Variants in RAP1GDS1 observed in about 807,000 individuals in gnomAD.
The protein encoded by RAP1GDS1 is RAP1, GTP-GDP dissociation stimulator 1.
A neutral mutation model predicts 71.1 loss-of-function variants in RAP1GDS1; 35 were observed. That is an observed-to-expected ratio of 0.49 (90% confidence interval 0.38 to 0.65). The LOEUF (loss-of-function observed/expected upper bound fraction) is 0.65. RAP1GDS1 is among the 30% of genes least tolerant of loss of function. The probability of loss-of-function intolerance (pLI) is 0.00; values close to 1 mark genes in which losing one functional copy is unlikely to be tolerated. For synonymous variants in RAP1GDS1, 229 were observed against 243.1 expected (o/e 0.94, Z 0.54); for missense variants, 663 against 706.1 (o/e 0.94, Z 0.69).
chr4:98,336,308 T>C (rs954261559), intron 2 of RAP1GDS1, among the ~76,000 whole-genome samples: 1 of 152,192 alleles, frequency 6.6e-6, no homozygotes, highest in African/African-American at 2.4e-5. Flanking sequence ...TTTTTAACCA[T>C]GTAACTCTTA....
intron 8 of RAP1GDS1, 69 bp downstream of exon 8, chr4:98,416,957 G>C: frequency 6.6e-7 from 1 of 1,513,662 alleles, no homozygotes; most frequent in Non-Finnish European, 9.0e-7. Context: ...TGTCTCTTCT[G>C]TAAATACTAC....
chr4:98,421,286 T>C lies in RAP1GDS1; in HGVS notation c.1332T>C (p.Val444=). 6.2e-7 allele frequency: 1 copy of C among 1,610,868 alleles called. No individual in the cohort carries two copies. Among genetic ancestry groups the C allele is most frequent in the Non-Finnish European group, 8.5e-7 (1 of 1,178,140 alleles). Reference sequence around the variant, plus strand: ...CTGCTGAACAATTGGGAAAGAATGTTAAGTTAGTGGAGCGTTTGGTGGAAT... The same window carrying C: ...CTGCTGAACAATTGGGAAAGAATGTCAAGTTAGTGGAGCGTTTGGTGGAAT... ...AEAAEQLGKN[V]KLVERLVEWC... is the part of the protein sequence containing the mutation. The change falls in exon 12 of 15, where the codon GTT becomes GTC. Residue 444 remains valine (V), a synonymous_variant. Transcript: ENST00000408927.
At chr4:98,430,391 G>C (rs937665558) in intron 12 of RAP1GDS1, among the ~76,000 whole-genome samples, 1 of 152,170 alleles carries the variant, frequency 6.6e-6, no homozygotes, top group Non-Finnish European at 1.5e-5. Flanking sequence ...TGTGTTAATT[G>C]CATGAGTTCT....
At chr4:98,349,201 C>A (rs929074986) in intron 3 of RAP1GDS1, among the ~76,000 whole-genome samples, 5 of 152,232 alleles carry the variant, frequency 3.3e-5, no homozygotes, top group South Asian at 2.1e-4. Flanking sequence ...ACCAGTTTTC[C>A]CAGCACCATT....
At chr4:98,438,814 T>G (rs1397303370) in intron 14 of RAP1GDS1, among the ~76,000 whole-genome samples, 1 of 151,838 alleles carries the variant, frequency 6.6e-6, no homozygotes, top group Non-Finnish European at 1.5e-5. Flanking sequence ...AGGCTGATAC[T>G]GAACTCCTGA....
intron 12 of RAP1GDS1, among the ~76,000 whole-genome samples, chr4:98,422,189 G>C (rs1005388690): frequency 2.6e-5 from 4 of 151,988 alleles, no homozygotes; most frequent in Non-Finnish European, 1.5e-5. Flanking sequence ...GACAGAGCAA[G>C]ACTCCGTCTC....
intron 6 of RAP1GDS1, chr4:98,397,044 T>G (rs1302508218): frequency 6.6e-6 from 1 of 152,124 alleles, no homozygotes; most frequent in Non-Finnish European, 1.5e-5. Context: ...TTTCATAAAT[T>G]TTACAGGATT....
chr4:98,415,570 G>GAC (rs1747827321), intron 7 of RAP1GDS1, among the ~76,000 whole-genome samples: 1 of 152,176 alleles, frequency 6.6e-6, no homozygotes, highest in African/African-American at 2.4e-5. Context: ...GATAGATGGA[G>GAC]ACAGATATGG....
intron 2 of RAP1GDS1, among the ~76,000 whole-genome samples, chr4:98,317,597 G>A (rs915911648): frequency 6.6e-6 from 1 of 152,084 alleles, no homozygotes; most frequent in African/African-American, 2.4e-5. Context: ...ATAGATAATT[G>A]TGAAATATTG....
At chr4:98,441,024 T>C (rs913122054) in intron 14 of RAP1GDS1, among the ~76,000 whole-genome samples, 1 of 152,250 alleles carries the variant, frequency 6.6e-6, no homozygotes, top group African/African-American at 2.4e-5. Context: ...AGTACCCCAC[T>C]ATCTTGATTA....
chr4:98,358,684 TG>T (rs1436407698), intron 4 of RAP1GDS1, among the ~76,000 whole-genome samples: 1 of 152,090 alleles, frequency 6.6e-6, no homozygotes, highest in Non-Finnish European at 1.5e-5. Context: ...ACTTTAGTTG[TG>T]GTACACAAAT....
chr4:98,351,279 ATAAG>A (rs1464442150), intron 3 of RAP1GDS1, among the ~76,000 whole-genome samples: 2 of 152,208 alleles, frequency 1.3e-5, no homozygotes, highest in African/African-American at 2.4e-5. Flanking sequence ...TGGTAGAGTA[ATAAG>A]TAAGAAAGAG....
intron 2 of RAP1GDS1, chr4:98,297,078 G>A (rs1165068677): frequency 2.4e-5 from 4 of 166,298 alleles, no homozygotes; most frequent in South Asian, 2.6e-4. Context: ...CATTTCATAC[G>A]AGAGTCACGT....
chr4:98,301,186 A>T (rs959823913), intron 2 of RAP1GDS1, among the ~76,000 whole-genome samples: 8 of 150,292 alleles, frequency 5.3e-5, no homozygotes, highest in South Asian at 2.1e-4. Context: ...CATTATTATT[A>T]TTTTTTTTTA....
chr4:98,376,831 G>A (rs1016493527), intron 4 of RAP1GDS1, among the ~76,000 whole-genome samples: 1 of 151,940 alleles, frequency 6.6e-6, no homozygotes, highest in South Asian at 2.1e-4. Flanking sequence ...CTGTGTTATA[G>A]ACAATTCAGA....
At chr4:98,432,235 G>A (rs1359708521) in intron 12 of RAP1GDS1, among the ~76,000 whole-genome samples, 1 of 152,122 alleles carries the variant, frequency 6.6e-6, no homozygotes, top group African/African-American at 2.4e-5. Flanking sequence ...CATTTCCTTA[G>A]TTCATTCCCT....
intron 2 of RAP1GDS1, among the ~76,000 whole-genome samples, chr4:98,328,278 T>G (rs2110359931): frequency 6.6e-6 from 1 of 152,222 alleles, no homozygotes; most frequent in East Asian, 1.9e-4. Flanking sequence ...AAGCCACTGA[T>G]TGTTAAATTT....
intron 2 of RAP1GDS1, among the ~76,000 whole-genome samples, chr4:98,336,081 T>C (rs1306544529): frequency 6.6e-6 from 1 of 152,130 alleles, no homozygotes; most frequent in Non-Finnish European, 1.5e-5. Flanking sequence ...GACAATAGAA[T>C]GGAGATAGAT....
At chr4:98,426,196 A>G (rs747383271) in intron 12 of RAP1GDS1, among the ~76,000 whole-genome samples, 2 of 152,168 alleles carry the variant, frequency 1.3e-5, no homozygotes, top group Admixed American at 6.5e-5. Flanking sequence ...GATACAACCT[A>G]TCAATACCTC....
Sources: gnomAD v4.1 joint callset for allele counts (sites outside exome capture counted in the v4.1 genomes callset) on GRCh38, gnomAD v4.1.1 for gene constraint, MANE v1.5 for transcripts, NCBI Gene and HGNC (gene_info 2026-07-23, HGNC 2026-07-21) for gene names.